SPOPL: variants seen among roughly 807,000 people sequenced by gnomAD.
SPOPL encodes the protein speckle type BTB/POZ protein like, also known as speckle-type POZ protein-like.
In SPOPL, 23 loss-of-function variants were observed where a neutral mutation model predicts 53.8. The ratio of observed to expected loss-of-function variants is 0.43; its 90% CI spans 0.31 to 0.61. SPOPL has a LOEUF of 0.61. SPOPL is among the 20% of genes least tolerant of loss of function. SPOPL has a pLI of 0.12. For missense variants in SPOPL, 442 were observed against 466.9 expected (o/e 0.95, Z 0.49); for synonymous variants, 164 against 149.7 (o/e 1.10, Z -0.70).
At chr2:138,509,862 C>A (rs1285205927) in intron 1 of SPOPL, among the ~76,000 whole-genome samples, 2 of 152,148 alleles carry the variant, frequency 1.3e-5, no homozygotes, top group Admixed American at 6.6e-5. Flanking sequence ...CATCTATCTA[C>A]CATTATGATG....
chr2:138,540,977 C>T (rs1685058970), intron 1 of SPOPL, among the ~76,000 whole-genome samples: 1 of 151,954 alleles, frequency 6.6e-6, no homozygotes, highest in Non-Finnish European at 1.5e-5. Context: ...TGTCAAAGGC[C>T]TTTTCTGCAT....
rs149143927 is a variant in SPOPL, at chr2:138,514,251, A to G, written c.-61+12132A>G. ...TATACATTTTAGGGAGACATGAGAC[A>G]TCAATCAACATATGTAAAATTAATA... On this transcript the variant is annotated intron_variant, in intron 1 of 10. Coordinates refer to ENST00000280098, the MANE Select transcript of SPOPL (RefSeq NM_001001664.3). Among the ~76,000 whole-genome samples, 722 of 152,316 alleles carry G rather than the reference A, an allele frequency of 4.7e-3. 3 individuals carry two copies. Among genetic ancestry groups the G allele is most frequent in the African/African-American group, 0.015 (627 of 41,560 alleles).
At position 138,501,846 on chromosome 2, in the gene SPOPL, G is replaced by A. The variant is rs972352044; in HGVS notation, c.-334G>A. ...AGCCCAGACGGGCCCGCGGCGGGGGGGTGGGGGCTGCGCGGGGGCGGGAGT... is the reference window on the plus strand; with the variant it reads ...AGCCCAGACGGGCCCGCGGCGGGGGAGTGGGGGCTGCGCGGGGGCGGGAGT... On this transcript the variant is annotated 5_prime_UTR_variant, in exon 1 of 11. Coordinates refer to ENST00000280098, the MANE Select transcript of SPOPL (RefSeq NM_001001664.3). 3.3e-5 allele frequency: 5 copies of A among 153,170 alleles called. No individual in the cohort carries two copies. Among genetic ancestry groups the A allele is most frequent in the Admixed American group, 6.5e-5 (1 of 15,274 alleles). The allele number at this position is 153,170 out of a possible 1,614,324, so 9.5% of individuals were successfully genotyped here. A position where few individuals can be genotyped will look rare whatever the true frequency, so the allele number is the denominator to read the frequency against.
Position 138,525,656 on chromosome 2 carries a change from G to GAAAAAAA in SPOPL, c.-61+23549_-61+23555dup, listed in dbSNP as rs71406327. ...AAGACCTGCATCAGTATAAAAAGTA[G>GAAAAAAA]AAAAAAAAAAAAAAAAAATACACAA... On this transcript the variant is annotated intron_variant, in intron 1 of 10. Coordinates refer to ENST00000280098, the MANE Select transcript of SPOPL (RefSeq NM_001001664.3). 1.7e-3 allele frequency among the ~76,000 whole-genome samples: 52 copies of GAAAAAAA among 29,988 alleles called. 1 individual carries two copies. Among genetic ancestry groups the GAAAAAAA allele is most frequent in the East Asian group, 0.016 (7 of 448 alleles). 19.7% of individuals were successfully genotyped at this position (29,988 alleles called of 152,430 possible). A position where few individuals can be genotyped will look rare whatever the true frequency, so the allele number is the denominator to read the frequency against.
At chr2:138,556,720 A>G (rs1685432363) in intron 5 of SPOPL, among the ~76,000 whole-genome samples, 2 of 152,156 alleles carry the variant, frequency 1.3e-5, no homozygotes, top group South Asian at 4.1e-4. Flanking sequence ...TGGCAGATTT[A>G]TTTATTTATA....
At chr2:138,550,836 TC>T in intron 3 of SPOPL, 66 bp from the exon 4 acceptor site, 1 of 1,531,386 alleles carries the variant, frequency 6.5e-7, no homozygotes, top group Non-Finnish European at 8.8e-7. Flanking sequence ...TTTCTCTCTC[TC>T]TCTCTCTCTC....
At chr2:138,541,928 T>A (rs1685080954) in intron 1 of SPOPL, among the ~76,000 whole-genome samples, 1 of 152,220 alleles carries the variant, frequency 6.6e-6, no homozygotes, top group African/African-American at 2.4e-5. Context: ...GAGATTCTGG[T>A]ATGTTGTGTC....
At chr2:138,518,135 T>C (rs1684485222) in intron 1 of SPOPL, among the ~76,000 whole-genome samples, 1 of 150,496 alleles carries the variant, frequency 6.6e-6, no homozygotes, top group African/African-American at 2.4e-5. Context: ...AATGACTCTA[T>C]TATGATTTTG....
chr2:138,524,723 A>T (rs1684632316), intron 1 of SPOPL, among the ~76,000 whole-genome samples: 1 of 152,086 alleles, frequency 6.6e-6, no homozygotes, highest in African/African-American at 2.4e-5. Flanking sequence ...AACAAGACCC[A>T]CCTTTGCTGT....
intron 1 of SPOPL, among the ~76,000 whole-genome samples, chr2:138,513,763 G>A (rs1304225170): frequency 6.7e-6 from 1 of 149,184 alleles, no homozygotes; most frequent in Non-Finnish European, 1.5e-5. Context: ...AAAAAAATTG[G>A]CTTTTGCATT....
Position 138,552,299 on chromosome 2 carries a change from C to T in SPOPL, c.353-255C>T, listed in dbSNP as rs537565353. Among the ~76,000 whole-genome samples the T allele has an allele frequency of 4.6e-5, 7 of 152,088 alleles. No individual in the cohort carries two copies. The South Asian group carries it at 1.4e-3, about 31-fold the overall frequency. ...TCCTTCTCCATGTGATTTGATCTGACTTTTCTATTTGAGATCCAGAAGTCT... is the reference window on the plus strand; with the variant it reads ...TCCTTCTCCATGTGATTTGATCTGATTTTTCTATTTGAGATCCAGAAGTCT... On this transcript the variant is annotated intron_variant, in intron 4 of 10. Transcript: ENST00000280098.
chr2:138,522,322 C>G (rs940884462), intron 1 of SPOPL, among the ~76,000 whole-genome samples: 5 of 152,102 alleles, frequency 3.3e-5, no homozygotes, highest in African/African-American at 1.2e-4. Flanking sequence ...AAAAACCTGT[C>G]AGACTTTGAA....
chr2:138,549,050 C>T (rs990362472), intron 1 of SPOPL, among the ~76,000 whole-genome samples: 4 of 152,046 alleles, frequency 2.6e-5, no homozygotes, highest in Non-Finnish European at 5.9e-5. Flanking sequence ...TTAGGTCTAG[C>T]TAGTTGTTTT....
chr2:138,551,392 C>A (rs910133443), intron 4 of SPOPL, among the ~76,000 whole-genome samples: 1 of 151,862 alleles, frequency 6.6e-6, no homozygotes, highest in Admixed American at 6.6e-5. Flanking sequence ...TCTCTCTTGC[C>A]TTTTTTTGCC....
rs879167886 is a variant in SPOPL, at chr2:138,513,956, T to C, written c.-61+11837T>C. 2.6e-5 allele frequency among the ~76,000 whole-genome samples: 4 copies of C among 152,240 alleles called. No homozygotes were observed. In the East Asian group the frequency reaches 7.7e-4, roughly 29 times the overall value. On this transcript the variant is annotated intron_variant, in intron 1 of 10. Coordinates refer to ENST00000280098, the MANE Select transcript of SPOPL (RefSeq NM_001001664.3). ...AAGGGGGCTCATTTATTTGTTAAAC[T>C]TTTTTTGCTTTTTTATTTTAAGTAA...
intron 4 of SPOPL, among the ~76,000 whole-genome samples, chr2:138,552,077 C>T (rs972947622): frequency 2.6e-5 from 4 of 151,854 alleles, no homozygotes; most frequent in African/African-American, 4.8e-5. Flanking sequence ...AATAAAAAAT[C>T]GGTGGGATGG....
intron 1 of SPOPL, among the ~76,000 whole-genome samples, chr2:138,528,960 T>C (rs1317649285): frequency 6.6e-6 from 1 of 152,214 alleles, no homozygotes; most frequent in Non-Finnish European, 1.5e-5. Context: ...GCCTGGCATA[T>C]TGAAAACCTT....
At chr2:138,534,083 T>G (rs1393980754) in intron 1 of SPOPL, among the ~76,000 whole-genome samples, 1 of 152,158 alleles carries the variant, frequency 6.6e-6, no homozygotes, top group Non-Finnish European at 1.5e-5. Context: ...CTTGATATAC[T>G]GCAAAATTGA....
rs72984633 is a variant in SPOPL, at chr2:138,509,165, C to A, written c.-61+7046C>A. On this transcript the variant is annotated intron_variant, in intron 1 of 10. Coordinates refer to ENST00000280098, the MANE Select transcript of SPOPL (RefSeq NM_001001664.3). Reference sequence around the variant, plus strand: ...TAGGAGATACGTATATGTATATATACCTAAAGTGAAGGTATGATGAAGATA... The same window carrying A: ...TAGGAGATACGTATATGTATATATAACTAAAGTGAAGGTATGATGAAGATA... Among the ~76,000 whole-genome samples, 1,114 of 151,784 alleles carry A rather than the reference C, an allele frequency of 7.3e-3. 18 individuals carry two copies. The highest frequency in any genetic ancestry group is 0.025 in the African/African-American group (1,051 of 41,340).
Sources: allele counts gnomAD v4.1 joint callset (sites outside exome capture counted in the v4.1 genomes callset), GRCh38; gene constraint gnomAD v4.1.1; transcripts MANE v1.5; gene names NCBI Gene and HGNC (gene_info 2026-07-23, HGNC 2026-07-21).